MFF: variants seen among roughly 807,000 people sequenced by gnomAD.
MFF encodes chromosome 2 open reading frame 33.
In MFF, 12 loss-of-function variants were observed where a neutral mutation model predicts 36.9. That is an observed-to-expected ratio of 0.33 (90% CI 0.21 to 0.53). The LOEUF (loss-of-function observed/expected upper bound fraction) is 0.53. Among genes scored for constraint, MFF ranks in the 20% least tolerant of loss-of-function variants. MFF has a pLI of 0.95. For missense variants in MFF, 348 were observed against 366.6 expected, an observed-to-expected ratio of 0.95 and a Z score of 0.42; for synonymous variants, 99 against 126.2, an observed-to-expected ratio of 0.78 and a Z score of 1.44.
chr2:227,340,036 A>G (rs1221326340), intron 4 of MFF, among the ~76,000 whole-genome samples: 1 of 152,222 alleles, frequency 6.6e-6, no homozygotes, highest in East Asian at 1.9e-4. Context: ...AAGAAACTAG[A>G]GTAGCGTTCT....
At position 227,357,163 on chromosome 2, in the gene MFF, TAA is replaced by T. The variant is rs773716522; in HGVS notation, c.*49_*50del. 4.4e-6 allele frequency: 7 copies of T among 1,586,228 alleles called. No homozygotes were observed. Among genetic ancestry groups the T allele is most frequent in the Non-Finnish European group, 6.0e-6 (7 of 1,168,714 alleles). The stretch of plus-strand genomic sequence containing the variant: ...AATACTGTCTCAACAGCTGGAAATA[TAA>T]AAGATTTGCAAACTTCTTTGTTTCT... On this transcript the variant is annotated 3_prime_UTR_variant, in exon 9 of 9. Coordinates refer to ENST00000304593, the MANE Select transcript of MFF (RefSeq NM_001277062.2).
Position 227,357,723 on chromosome 2 carries a change from G to T in MFF, c.*606G>T, listed in dbSNP as rs1391649077. 2 of 151,932 alleles carry T rather than the reference G, an allele frequency of 1.3e-5. No homozygotes were observed. The highest frequency in any genetic ancestry group is 4.8e-5 in the African/African-American group (2 of 41,432). 9.4% of individuals were successfully genotyped at this position (151,932 alleles called of 1,614,324 possible). A position where few individuals can be genotyped will look rare whatever the true frequency, so the allele number is the denominator to read the frequency against. ...ATGTGCATTCTTTCATTTTAGTTTT[G>T]CACTTGGTTTTCTATAAAGTACGTT... On this transcript the variant is annotated 3_prime_UTR_variant, in exon 9 of 9. Transcript: ENST00000304593.
intron 7 of MFF, among the ~76,000 whole-genome samples, chr2:227,353,651 T>A (rs909015261): frequency 5.9e-5 from 9 of 152,356 alleles, no homozygotes; most frequent in African/African-American, 2.2e-4. Flanking sequence ...TTTTTAGTTC[T>A]AATAAATACG....
chr2:227,357,060 G>C lies in MFF; in HGVS notation c.819G>C (p.Met273Ile), dbSNP rs148514577. ...AACGTGCTAAAAGAGAAATGGTCAT[G>C]TATTCAATTACTGTAGCTTTCTGGC... ...NKERAKREMV[M>I]YSITVAFWLL... Residue 273 changes from methionine to isoleucine, a missense_variant, in exon 9 of 9, where the codon ATG becomes ATC. Met to Ile is a conservative substitution (Grantham distance 10). Transcript: ENST00000304593. 4 of 1,612,610 alleles carry C rather than the reference G, an allele frequency of 2.5e-6. No homozygotes were observed. The African/African-American group carries it at 4.0e-5, about 16-fold the overall frequency.
intron 7 of MFF, among the ~76,000 whole-genome samples, chr2:227,352,844 TATA>T (rs1167194696): frequency 4.6e-5 from 7 of 152,220 alleles, no homozygotes; most frequent in Non-Finnish European, 8.8e-5. Flanking sequence ...ATAGGTGGTT[TATA>T]ATAATTTACA....
At chr2:227,337,666 C>T (rs567260718) in intron 4 of MFF, among the ~76,000 whole-genome samples, 1 of 152,288 alleles carries the variant, frequency 6.6e-6, no homozygotes, top group South Asian at 2.1e-4. Flanking sequence ...CAGGAAGCTG[C>T]TTGAACTTAG....
chr2:227,331,959 A>ATATTTTTTTTT lies in MFF; in HGVS notation c.182-459_182-458insATTTTTTTTTT, dbSNP rs572787657. ...AGTGAAATGTCAATACGCTGGAAGC[A>ATATTTTTTTTT]TTTTTTTTTTTTTTTTTTTTTTTTT... On this transcript the variant is annotated intron_variant, in intron 3 of 8. Coordinates refer to ENST00000304593, the MANE Select transcript of MFF (RefSeq NM_001277062.2). 1.6e-4 allele frequency among the ~76,000 whole-genome samples: 12 copies of ATATTTTTTTTT among 76,838 alleles called. 2 individuals carry two copies. Among genetic ancestry groups the ATATTTTTTTTT allele is most frequent in the African/African-American group, 5.5e-4 (12 of 21,966 alleles). The allele number at this position is 76,838 out of a possible 152,430, so 50.4% of individuals were successfully genotyped here.
chr2:227,333,608 T>A (rs889109598), intron 4 of MFF, among the ~76,000 whole-genome samples: 1 of 152,212 alleles, frequency 6.6e-6, no homozygotes, highest in Non-Finnish European at 1.5e-5. Flanking sequence ...GACAATGATA[T>A]GAGTGAGGGA....
At position 227,332,302 on chromosome 2, in the gene MFF, T is replaced by C. The variant is rs1365653735; in HGVS notation, c.182-117T>C. On this transcript the variant is annotated intron_variant, in intron 3 of 8. Transcript: ENST00000304593. Reference sequence around the variant, plus strand: ...GCATATTTTGAAAGAAACTAATGCTTATTGGGTGGTATAATTCAAAAGCAG... The same window carrying C: ...GCATATTTTGAAAGAAACTAATGCTCATTGGGTGGTATAATTCAAAAGCAG... 5 of 780,426 alleles carry C rather than the reference T, an allele frequency of 6.4e-6. No homozygotes were observed. In the East Asian group the frequency reaches 1.3e-4, roughly 20 times the overall value. The allele number at this position is 780,426 out of a possible 1,614,324, so 48.3% of individuals were successfully genotyped here.
At chr2:227,338,357 GAC>G (rs1559962203) in intron 4 of MFF, among the ~76,000 whole-genome samples, 1 of 20,722 alleles carries the variant, frequency 4.8e-5, no homozygotes, top group Non-Finnish European at 3.2e-4. Flanking sequence ...GGAACAGAGT[GAC>G]ACTCTGTCTC....
chr2:227,332,073 G>A (rs1043321895), intron 3 of MFF, among the ~76,000 whole-genome samples: 2 of 136,696 alleles, frequency 1.5e-5, no homozygotes, highest in Admixed American at 8.1e-5. Flanking sequence ...CCGGGTTCAC[G>A]CCATTCTCCT....
At chr2:227,328,295 CAAA>C (rs869086091) in intron 1 of MFF, among the ~76,000 whole-genome samples, 12 of 72,638 alleles carry the variant, frequency 1.7e-4, no homozygotes, top group African/African-American at 1.8e-4. Flanking sequence ...GCCCGGGTGA[CAAA>C]AAAAAAAAAA....
chr2:227,347,477 C>T (rs2075774732), intron 6 of MFF, 93 bp downstream of exon 6: 1 of 969,138 alleles, frequency 1.0e-6, no homozygotes, highest in South Asian at 1.5e-5. Flanking sequence ...CTGTTTTTAC[C>T]TTCTAGCCTC....
In MFF at chr2:227,332,461, A is replaced by C. The variant is rs143374639; in HGVS notation, c.224A>C (p.Asp75Ala). Residue 75 changes from aspartate (D) to alanine (A), a missense_variant, in exon 4 of 9, where the codon GAC (aspartate) becomes GCC (alanine). Transcript: ENST00000304593. The part of the protein sequence containing the change: ...DVSFSRPADL[D>A]LIQSTPFKPL... ...TCATTTTCAAGACCAGCAGATCTTG[A>C]CCTTATTCAGTCAACTCCCTTTAAA... 62 of 1,613,542 alleles carry C rather than the reference A, an allele frequency of 3.8e-5. No homozygotes were observed. In the African/African-American group the frequency reaches 7.1e-4, roughly 18 times the overall value.
rs755899555 is a variant in MFF at position 227,355,671 on chromosome 2, C to A, written c.660-6C>A. On this transcript the variant is annotated splice_polypyrimidine_tract_variant and splice_region_variant and intron_variant, in intron 7 of 8. Coordinates refer to ENST00000304593, the MANE Select transcript of MFF (RefSeq NM_001277062.2). Reference sequence around the variant, plus strand: ...ATTCATTTGTATTTCTATCTCTTATCTGCAGGTATGGCATTTCAAATATAG... The same window carrying A: ...ATTCATTTGTATTTCTATCTCTTATATGCAGGTATGGCATTTCAAATATAG... The A allele has an allele frequency of 6.4e-7, 1 of 1,568,248 alleles. No individual in the cohort carries two copies. Among genetic ancestry groups the A allele is most frequent in the Non-Finnish European group, 8.8e-7 (1 of 1,138,338 alleles).
chr2:227,332,331 A>G, intron 3 of MFF, 88 bp from the exon 4 acceptor site: 3 of 974,788 alleles, frequency 3.1e-6, no homozygotes, highest in Non-Finnish European at 4.6e-6. Context: ...AAAGCAGAAG[A>G]AGGTAAATAC....
At chr2:227,351,759 A>G (rs1236738540) in intron 6 of MFF, 1 of 152,258 alleles carries the variant, frequency 6.6e-6, no homozygotes, top group Non-Finnish European at 1.5e-5. Flanking sequence ...GCCAAAGTAT[A>G]TACTGAGAAT....
chr2:227,330,338 A>C (rs1307568875), intron 2 of MFF: 1 of 305,030 alleles, frequency 3.3e-6, no homozygotes, highest in Non-Finnish European at 6.0e-6. Context: ...TTACGCAGAG[A>C]GTATGTGTGT....
intron 7 of MFF, among the ~76,000 whole-genome samples, chr2:227,353,758 A>ACCT (rs2076121890): frequency 1.3e-5 from 2 of 152,172 alleles, no homozygotes; most frequent in African/African-American, 2.4e-5. Context: ...TTCTTTGCAA[A>ACCT]TCGAGATTTC....
Sources: gnomAD v4.1 joint callset for allele counts (sites outside exome capture counted in the v4.1 genomes callset) on GRCh38, gnomAD v4.1.1 for gene constraint, MANE v1.5 for transcripts, NCBI Gene and HGNC (gene_info 2026-07-23, HGNC 2026-07-21) for gene names.